The following HMCN1 variants were observed in gnomAD, a reference collection of about 807,000 sequenced individuals.
The protein encoded by HMCN1 is hemicentin-1.
Under a neutral mutation model 625.9 loss-of-function variants are expected in HMCN1, and 321 were observed. The observed-to-expected ratio is 0.51, with a 90% confidence interval of 0.47 to 0.56. The LOEUF (loss-of-function observed/expected upper bound fraction) is 0.56, where lower values mean the gene tolerates loss of function less well. Among genes scored for constraint, HMCN1 ranks in the 20% least tolerant of loss-of-function variants. The pLI is 0.00. For missense variants in HMCN1, 6,588 were observed against 6,887.3 expected (o/e 0.96, Z 1.54); for synonymous variants, 2,425 against 2,417.6 (o/e 1.00, Z -0.09).
intron 1 of HMCN1, among the ~76,000 whole-genome samples, chr1:185,826,747 A>G (rs1660536966): frequency 1.3e-5 from 2 of 152,190 alleles, no homozygotes; most frequent in South Asian, 4.1e-4. Flanking sequence ...GAGGAAGTGT[A>G]AAAAGGAAAT....
chr1:185,906,926 C>T (rs12067620), intron 4 of HMCN1, among the ~76,000 whole-genome samples: 2 of 148,324 alleles, frequency 1.3e-5, no homozygotes, highest in African/African-American at 5.0e-5. Context: ...AAAATGCTTT[C>T]TGAGGCCCAA....
At chr1:185,961,546 CT>C (rs1650024595) in intron 11 of HMCN1, among the ~76,000 whole-genome samples, 1 of 152,128 alleles carries the variant, frequency 6.6e-6, no homozygotes, top group Non-Finnish European at 1.5e-5. Flanking sequence ...AATTAATTTA[CT>C]TTTGTTTACC....
At chr1:186,052,919 G>T (rs201177710) in intron 42 of HMCN1, 33 bp from the exon 43 acceptor site, 1 of 1,546,470 alleles carries the variant, frequency 6.5e-7, no homozygotes, top group South Asian at 1.1e-5. Flanking sequence ...TATATGAAAT[G>T]AGTGGAAAAA....
chr1:185,844,640 A>G (rs1661698887), intron 1 of HMCN1, among the ~76,000 whole-genome samples: 1 of 152,208 alleles, frequency 6.6e-6, no homozygotes, highest in South Asian at 2.1e-4. Flanking sequence ...TATAGTTTCG[A>G]ATGAGTCTAT....
intron 15 of HMCN1, among the ~76,000 whole-genome samples, chr1:185,971,367 G>A (rs146897732): frequency 2.0e-5 from 3 of 152,278 alleles, no homozygotes; most frequent in Non-Finnish European, 4.4e-5. Context: ...CCATATGTAG[G>A]TTACTCAAGA....
chr1:185,880,953 G>A (rs1664267816), intron 4 of HMCN1, among the ~76,000 whole-genome samples: 1 of 152,252 alleles, frequency 6.6e-6, no homozygotes, highest in Admixed American at 6.5e-5. Context: ...AGCATGTGCA[G>A]GAGCCAGAGC....
At chr1:186,158,693 G>A (rs553898718) in intron 97 of HMCN1, among the ~76,000 whole-genome samples, 46 of 152,180 alleles carry the variant, frequency 3.0e-4, no homozygotes, top group Admixed American at 1.1e-3. Flanking sequence ...TAAATAGGGA[G>A]TCCTTTCCCC....
At chr1:186,024,470 C>A (rs571771140) in intron 36 of HMCN1, among the ~76,000 whole-genome samples, 1 of 152,108 alleles carries the variant, frequency 6.6e-6, no homozygotes, top group Non-Finnish European at 1.5e-5. Flanking sequence ...CTTCCCTCTC[C>A]CATCAAGTTC....
intron 29 of HMCN1, 112 bp from the exon 30 acceptor site, chr1:186,007,016 T>A (rs1195604379): frequency 1.2e-6 from 1 of 838,250 alleles, no homozygotes; most frequent in Non-Finnish European, 2.0e-6. Flanking sequence ...TTTTATTTTT[T>A]AAATTAACTT....
Position 186,124,943 on chromosome 1 carries a change from T to A in HMCN1, c.12500-661T>A, listed in dbSNP as rs576285742. On this transcript the variant is annotated intron_variant, in intron 81 of 106. Transcript: ENST00000271588. The stretch of plus-strand genomic sequence containing the variant: ...AAGTATTTTTTATTACACTAAAATA[T>A]TCAGTTCATCTCTATATTGCCCAAA... Among the ~76,000 whole-genome samples, 4 of 152,188 alleles carry A rather than the reference T, an allele frequency of 2.6e-5. No homozygotes were observed. In the East Asian group the frequency reaches 7.7e-4, roughly 29 times the overall value.
At chr1:186,086,693 A>G (rs1434115705) in intron 58 of HMCN1, among the ~76,000 whole-genome samples, 1 of 152,062 alleles carries the variant, frequency 6.6e-6, no homozygotes. Context: ...GGCAAATAGT[A>G]CTTTCATTGG....
At chr1:185,992,018 TTAACTTCAAGTGAAC>T (rs908845035) in intron 22 of HMCN1, among the ~76,000 whole-genome samples, 58 of 152,334 alleles carry the variant, frequency 3.8e-4, no homozygotes, top group Non-Finnish European at 6.9e-4. Context: ...TTTCATGTGA[TTAACTTCAAGTGAAC>T]TGAGAACACT....
rs1004601862 is a variant in HMCN1, at chr1:186,189,738, G to T, written c.16768G>T (p.Val5590Leu). 6.2e-7 allele frequency: 1 copy of T among 1,613,536 alleles called. No homozygotes were observed. Among genetic ancestry groups the T allele is most frequent in the African/African-American group, 1.3e-5 (1 of 74,910 alleles). Residue 5590 changes from valine to leucine, a missense_variant, in exon 107 of 107, where the codon GTG (valine) becomes TTG (leucine). Around this residue, in one of 3 missense-constraint regions of HMCN1, gnomAD observed 1,954 missense variants for 2,013.1 expected, o/e 0.97. Transcript: ENST00000271588. ...FALRDENLKG[V>L]VYTTRPLREA... ...CTTGAGGGATGAAAACCTGAAAGGA[G>T]TGGTGTATACAACACGACCACTACG...
intron 1 of HMCN1, among the ~76,000 whole-genome samples, chr1:185,735,681 C>T (rs913587742): frequency 6.6e-6 from 1 of 152,192 alleles, no homozygotes; most frequent in East Asian, 1.9e-4. Context: ...GCTTGTAATT[C>T]GGAATGTCTG....
chr1:185,748,069 A>G (rs1418538551), intron 1 of HMCN1, among the ~76,000 whole-genome samples: 1 of 148,928 alleles, frequency 6.7e-6, no homozygotes, highest in Non-Finnish European at 1.5e-5. Context: ...TTACAAATAG[A>G]AGGTCAAGAA....
chr1:186,098,666 A>G (rs1011785791), intron 68 of HMCN1, among the ~76,000 whole-genome samples: 24 of 152,194 alleles, frequency 1.6e-4, no homozygotes, highest in Admixed American at 6.5e-5. Flanking sequence ...CATATGGTTC[A>G]GAAATCCCAC....
intron 1 of HMCN1, among the ~76,000 whole-genome samples, chr1:185,768,949 A>G (rs1656050776): frequency 6.6e-6 from 1 of 152,214 alleles, no homozygotes; most frequent in Non-Finnish European, 1.5e-5. Context: ...AATTTACAAA[A>G]TATCTGGTAC....
intron 11 of HMCN1, among the ~76,000 whole-genome samples, chr1:185,942,774 T>G (rs1485201606): frequency 2.0e-5 from 3 of 152,172 alleles, no homozygotes; most frequent in Non-Finnish European, 4.4e-5. Flanking sequence ...CCCACAAAAC[T>G]GCACCTACTT....
intron 46 of HMCN1, among the ~76,000 whole-genome samples, chr1:186,058,442 A>G (rs1262549978): frequency 1.3e-5 from 2 of 152,002 alleles, no homozygotes; most frequent in East Asian, 3.9e-4. Flanking sequence ...GAAAGGCTTA[A>G]TGACAGTATT....
Sources: gnomAD v4.1 joint callset for allele counts (sites outside exome capture counted in the v4.1 genomes callset) on GRCh38, gnomAD v4.1.1 for gene constraint, gnomAD v4.1.1 regional missense constraint, MANE v1.5 for transcripts, NCBI Gene and HGNC (gene_info 2026-07-23, HGNC 2026-07-21) for gene names.